Variants in TCTN1 observed in about 807,000 individuals in gnomAD.
TCTN1 encodes the protein tectonic-1.
In TCTN1, 58 loss-of-function variants were observed where a neutral mutation model predicts 65.8. The ratio of observed to expected loss-of-function variants is 0.88; its 90% CI spans 0.71 to 1.10. TCTN1 has a LOEUF of 1.10. Among genes scored for constraint, TCTN1 ranks in the 50% least tolerant of loss-of-function variants. The pLI is 0.00. For missense variants in TCTN1, 645 were observed against 719.4 expected (o/e 0.90, Z 1.18); for synonymous variants, 273 against 289.1 (o/e 0.94, Z 0.57).
intron 13 of TCTN1, 45 bp downstream of exon 13, chr12:110,647,381 A>G: frequency 6.2e-7 from 1 of 1,611,482 alleles, no homozygotes; most frequent in Non-Finnish European, 8.5e-7. Flanking sequence ...ACAGAAGTCT[A>G]GACACAACTC....
At chr12:110,641,390 C>A in intron 9 of TCTN1, 152 bp from the exon 10 acceptor site, 1 of 883,460 alleles carries the variant, frequency 1.1e-6, no homozygotes, top group Non-Finnish European at 1.8e-6. Context: ...ACTCCTACAC[C>A]TGGCAGATGT....
intron 5 of TCTN1, among the ~76,000 whole-genome samples, chr12:110,633,098 A>C (rs2066336620): frequency 6.6e-6 from 1 of 152,152 alleles, no homozygotes; most frequent in South Asian, 2.1e-4. Flanking sequence ...GTGGAACAGG[A>C]ATGGACCCCA....
chr12:110,645,586 T>TTTTAATGATAC, intron 12 of TCTN1: 1 of 226,170 alleles, frequency 4.4e-6, no homozygotes, highest in African/African-American at 2.3e-5. Context: ...TCCGTGCATG[T>TTTTAATGATAC]GGCTCTCCCA....
chr12:110,635,606 T>A (rs190880890), intron 6 of TCTN1: 1 of 152,194 alleles, frequency 6.6e-6, no homozygotes, highest in African/African-American at 2.4e-5. Context: ...TGAGCTATGA[T>A]CGCACTCCAG....
chr12:110,648,223 G>A (rs1390853894), intron 14 of TCTN1, among the ~76,000 whole-genome samples: 2 of 152,048 alleles, frequency 1.3e-5, no homozygotes, highest in Non-Finnish European at 1.5e-5. Flanking sequence ...CTCCTGCCTC[G>A]GCCTCTGAAA....
intron 12 of TCTN1, chr12:110,645,365 T>A: frequency 1.8e-6 from 1 of 548,530 alleles, no homozygotes; most frequent in East Asian, 3.3e-5. Context: ...CAATAGTGAG[T>A]GAATGGCCTC....
At chr12:110,646,338 G>A (rs1199363721) in intron 12 of TCTN1, 1 of 152,046 alleles carries the variant, frequency 6.6e-6, no homozygotes, top group Non-Finnish European at 1.5e-5. Flanking sequence ...TTTTTTCGCA[G>A]CCACCAAATT....
At chr12:110,628,942 T>G (rs1226944887) in intron 4 of TCTN1, 24 bp downstream of exon 4, 1 of 1,612,600 alleles carries the variant, frequency 6.2e-7, no homozygotes, top group African/African-American at 1.3e-5. Context: ...TGATTGATTC[T>G]TTTCATCCCA....
intron 6 of TCTN1, 160 bp from the exon 7 acceptor site, chr12:110,636,321 C>A: frequency 1.7e-6 from 1 of 576,830 alleles, no homozygotes. Context: ...TAGATTCAAA[C>A]ACATGCAGAT....
At chr12:110,626,622 C>T in intron 3 of TCTN1, 130 bp downstream of exon 3, 3 of 1,009,222 alleles carry the variant, frequency 3.0e-6, no homozygotes, top group South Asian at 1.5e-5. Context: ...CTCTGTCACC[C>T]AGGCTGGCGT....
chr12:110,640,362 C>T lies in TCTN1; in HGVS notation c.844-21C>T, dbSNP rs747722214. 3.7e-6 allele frequency: 6 copies of T among 1,614,122 alleles called. No homozygotes were observed. The highest frequency in any genetic ancestry group is 5.1e-6 in the Non-Finnish European group (6 of 1,180,008). On this transcript the variant is annotated intron_variant, in intron 7 of 14. Transcript: ENST00000397659. The surrounding 1 kb of genome is among the most constrained non-coding windows in gnomAD (Gnocchi z 4.9). ...CTCCCTGGGTAGAGCATCTTCAACA[C>T]TCCAGGTCTTCACTCTGCAGGTCCC...
At position 110,617,917 on chromosome 12, in the gene TCTN1, G is replaced by A. The variant is rs553844977; in HGVS notation, c.221-1919G>A. ...GCCTCCCAAAGTGCTGGGATTACAG[G>A]CTTGAGCCACTGCATCCGGCCGCTG... On this transcript the variant is annotated intron_variant, in intron 1 of 14. Coordinates refer to ENST00000397659, the MANE Select transcript of TCTN1 (RefSeq NM_001082538.3). 4.0e-4 allele frequency among the ~76,000 whole-genome samples: 61 copies of A among 152,200 alleles called. 1 individual carries two copies. The South Asian group carries it at 6.6e-3, about 17-fold the overall frequency.
chr12:110,636,382 TA>T (rs1480179078), intron 6 of TCTN1, 98 bp from the exon 7 acceptor site: 1 of 816,300 alleles, frequency 1.2e-6, no homozygotes, highest in Non-Finnish European at 2.0e-6. Context: ...AAGCCTTTAA[TA>T]AGATGAATAT....
intron 11 of TCTN1, chr12:110,643,446 CT>C (rs2067094266): frequency 6.6e-6 from 1 of 152,186 alleles, no homozygotes; most frequent in African/African-American, 2.4e-5. Context: ...GAGGCAACCA[CT>C]TTCAACTCTT....
chr12:110,622,758 A>G (rs1278234379), intron 2 of TCTN1, among the ~76,000 whole-genome samples: 1 of 151,958 alleles, frequency 6.6e-6, no homozygotes, highest in Non-Finnish European at 1.5e-5. Context: ...AGGGGTTTGG[A>G]CTCTGTCCTG....
At chr12:110,638,736 A>G (rs551760107) in intron 7 of TCTN1, among the ~76,000 whole-genome samples, 1 of 152,350 alleles carries the variant, frequency 6.6e-6, no homozygotes, top group African/African-American at 2.4e-5. Flanking sequence ...CGCACACACC[A>G]TGGAAGTGGC....
Position 110,649,285 on chromosome 12 carries a change from C to A in TCTN1, c.*244C>A. On this transcript the variant is annotated 3_prime_UTR_variant, in exon 15 of 15. Transcript: ENST00000397659. ...TGTGTCCACCCAGAATCCATGCTGG[C>A]AGGAGGGAGGCAGAGGTATCAAACC... 1 of 746,888 alleles carries A rather than the reference C, an allele frequency of 1.3e-6. No individual in the cohort carries two copies. Among genetic ancestry groups the A allele is most frequent in the Non-Finnish European group, 2.4e-6 (1 of 421,288 alleles). 46.3% of individuals were successfully genotyped at this position (746,888 alleles called of 1,614,324 possible).
intron 2 of TCTN1, among the ~76,000 whole-genome samples, chr12:110,621,998 C>T (rs1372928052): frequency 5.9e-5 from 9 of 151,592 alleles, no homozygotes; most frequent in Admixed American, 1.3e-4. Flanking sequence ...ATCAGCTGGG[C>T]GTGGTGGTGG....
chr12:110,619,065 C>T (rs560199740), intron 1 of TCTN1, among the ~76,000 whole-genome samples: 1 of 152,010 alleles, frequency 6.6e-6, no homozygotes, highest in South Asian at 2.1e-4. Context: ...TTAATCCCAG[C>T]TACTCAGGAG....
Sources: gnomAD v4.1 joint callset for allele counts (sites outside exome capture counted in the v4.1 genomes callset) on GRCh38, gnomAD v4.1.1 for gene constraint, Gnocchi (gnomAD v3.1) non-coding constraint, MANE v1.5 for transcripts, NCBI Gene and HGNC (gene_info 2026-07-23, HGNC 2026-07-21) for gene names.